The following XRCC4 variants were observed in gnomAD, a reference collection of about 807,000 sequenced individuals.
The protein encoded by XRCC4 is X-ray repair cross complementing 4.
A neutral mutation model predicts 39.1 loss-of-function variants in XRCC4; 28 were observed. The observed-to-expected ratio is 0.72, with a 90% confidence interval of 0.53 to 0.98. The LOEUF (loss-of-function observed/expected upper bound fraction) is 0.98, where lower values mean the gene tolerates loss of function less well. Among genes scored for constraint, XRCC4 ranks in the 50% least tolerant of loss-of-function variants. The pLI is 0.00. For missense variants in XRCC4, 350 were observed against 376.4 expected, an observed-to-expected ratio of 0.93 and a Z score of 0.58; for synonymous variants, 123 against 126.4, an observed-to-expected ratio of 0.97 and a Z score of 0.18.
chr5:83,255,341 C>T (rs950635418), intron 6 of XRCC4, among the ~76,000 whole-genome samples: 2 of 152,136 alleles, frequency 1.3e-5, no homozygotes, highest in East Asian at 3.8e-4. Flanking sequence ...CTGAGGGGAA[C>T]ACTGTTTCCC....
At chr5:83,142,221 G>A (rs1205197266) in intron 3 of XRCC4, among the ~76,000 whole-genome samples, 1 of 152,076 alleles carries the variant, frequency 6.6e-6, no homozygotes, top group Non-Finnish European at 1.5e-5. Flanking sequence ...TGTGCTGTAC[G>A]TGATACTCTG....
intron 3 of XRCC4, among the ~76,000 whole-genome samples, chr5:83,115,884 C>T (rs768938865): frequency 1.4e-4 from 22 of 152,124 alleles, no homozygotes; most frequent in African/African-American, 9.7e-5. Flanking sequence ...ATTCTCAGAA[C>T]GGCTTGACAA....
chr5:83,334,681 A>G (rs1235152548), intron 7 of XRCC4, among the ~76,000 whole-genome samples: 1 of 151,820 alleles, frequency 6.6e-6, no homozygotes, highest in Non-Finnish European at 1.5e-5. Context: ...GTGCATATAT[A>G]TATATATATA....
chr5:83,301,962 C>T (rs181065575), intron 7 of XRCC4, among the ~76,000 whole-genome samples: 7 of 152,142 alleles, frequency 4.6e-5, no homozygotes, highest in Middle Eastern at 3.4e-3. Flanking sequence ...GTACCATGCT[C>T]GTTTGGTTAC....
chr5:83,353,040 G>A, intron 7 of XRCC4, 91 bp from the exon 8 acceptor site: 1 of 1,010,886 alleles, frequency 9.9e-7, no homozygotes, highest in Non-Finnish European at 1.4e-6. Context: ...GGATTTAACT[G>A]TCATTTCACT....
chr5:83,267,465 G>T (rs919448379), intron 7 of XRCC4, among the ~76,000 whole-genome samples: 4 of 152,146 alleles, frequency 2.6e-5, no homozygotes, highest in African/African-American at 9.7e-5. Flanking sequence ...ATGTGACAAA[G>T]CCATTGCTAA....
intron 3 of XRCC4, among the ~76,000 whole-genome samples, chr5:83,172,147 C>T (rs1030985613): frequency 2.6e-5 from 4 of 152,046 alleles, no homozygotes; most frequent in Non-Finnish European, 5.9e-5. Flanking sequence ...TCCTTTCATT[C>T]TTTCATAGGA....
chr5:83,293,798 G>A (rs974267231), intron 7 of XRCC4, among the ~76,000 whole-genome samples: 14 of 152,078 alleles, frequency 9.2e-5, no homozygotes, highest in Admixed American at 9.2e-4. Context: ...GAATGAATGT[G>A]TGTTTATGTC....
chr5:83,322,292 G>T (rs1368160240), intron 7 of XRCC4, among the ~76,000 whole-genome samples: 1 of 151,862 alleles, frequency 6.6e-6, no homozygotes, highest in African/African-American at 2.4e-5. Flanking sequence ...TCTCAGCGCT[G>T]AACTCTATCA....
chr5:83,321,324 A>C (rs1447961061), intron 7 of XRCC4, among the ~76,000 whole-genome samples: 1 of 152,144 alleles, frequency 6.6e-6, no homozygotes. Flanking sequence ...AGTTTATATC[A>C]GTTTCACTTC....
chr5:83,143,877 G>A (rs568911978), intron 3 of XRCC4, among the ~76,000 whole-genome samples: 1 of 151,762 alleles, frequency 6.6e-6, no homozygotes, highest in Non-Finnish European at 1.5e-5. Flanking sequence ...TTAGCAGCTC[G>A]ACTATGATGT....
intron 7 of XRCC4, among the ~76,000 whole-genome samples, chr5:83,260,784 T>C (rs926013146): frequency 2.0e-5 from 3 of 152,128 alleles, no homozygotes; most frequent in African/African-American, 4.8e-5. Flanking sequence ...GTTTATGTTA[T>C]ATATTTTCAC....
chr5:83,235,176 A>G (rs879614931), intron 6 of XRCC4, among the ~76,000 whole-genome samples: 1 of 151,560 alleles, frequency 6.6e-6, no homozygotes, highest in Non-Finnish European at 1.5e-5. Context: ...CTCTACAAAA[A>G]ATACAAAAAT....
At chr5:83,311,072 A>G (rs1016643318) in intron 7 of XRCC4, 12 of 226,296 alleles carry the variant, frequency 5.3e-5, no homozygotes, top group African/African-American at 2.8e-4. Flanking sequence ...TAAGCCATCA[A>G]GTTTGTGGTA....
downstream of XRCC4, among the ~76,000 whole-genome samples, chr5:83,355,140 A>G (rs1051029220): frequency 2.0e-5 from 3 of 151,854 alleles, no homozygotes; most frequent in African/African-American, 7.3e-5. Flanking sequence ...TTGTATTGCT[A>G]ATCTCTCTGC....
chr5:83,093,143 T>G (rs999570372), intron 1 of XRCC4, among the ~76,000 whole-genome samples: 4 of 151,510 alleles, frequency 2.6e-5, no homozygotes, highest in Non-Finnish European at 4.4e-5. Flanking sequence ...ACACAAATGG[T>G]AACCAAAAAT....
intron 6 of XRCC4, among the ~76,000 whole-genome samples, chr5:83,211,788 A>G (rs184362600): frequency 7.9e-5 from 12 of 152,358 alleles, no homozygotes; most frequent in South Asian, 4.1e-4. Context: ...AGAAACATCA[A>G]TTGTCACACA....
intron 2 of XRCC4, among the ~76,000 whole-genome samples, chr5:83,105,550 C>A (rs1436594368): frequency 6.6e-6 from 1 of 152,120 alleles, no homozygotes; most frequent in Non-Finnish European, 1.5e-5. Context: ...TTCACACCCA[C>A]ATTTAGGATC....
chr5:83,284,764 G>A (rs946469005), intron 7 of XRCC4, among the ~76,000 whole-genome samples: 1 of 151,962 alleles, frequency 6.6e-6, no homozygotes, highest in South Asian at 2.1e-4. Flanking sequence ...GAGTAACTAT[G>A]CTATTAGCTA....
Sources: gnomAD v4.1 joint callset for allele counts (sites outside exome capture counted in the v4.1 genomes callset) on GRCh38, gnomAD v4.1.1 for gene constraint, MANE v1.5 for transcripts, NCBI Gene and HGNC (gene_info 2026-07-23, HGNC 2026-07-21) for gene names.